The following RBL1 variants were observed in gnomAD, a reference collection of about 807,000 sequenced individuals.
RBL1 encodes the protein retinoblastoma-like protein 1.
In RBL1, 82 loss-of-function variants were observed where a neutral mutation model predicts 123.0. The ratio of observed to expected loss-of-function variants is 0.67; its 90% confidence interval spans 0.56 to 0.80. The LOEUF (loss-of-function observed/expected upper bound fraction) is 0.80, where lower values mean the gene tolerates loss of function less well. Ranked by LOEUF, RBL1 falls within the 30% of genes least tolerant of loss-of-function variation. RBL1 has a pLI of 0.00. For synonymous variants in RBL1, 405 were observed against 441.3 expected (o/e 0.92, Z 1.03); for missense variants, 1,171 against 1,299.6 (o/e 0.90, Z 1.52).
chr20:37,017,620 T>TTTGTGTGTGTG (rs1555850065), intron 19 of RBL1, among the ~76,000 whole-genome samples: 16 of 139,808 alleles, frequency 1.1e-4, no homozygotes, highest in African/African-American at 4.5e-4. Context: ...GGACATTTTC[T>TTTGTGTGTGTG]TGTGTGTGTG....
At position 37,035,419 on chromosome 20, in the gene RBL1, G is replaced by A. The variant is rs749901738; in HGVS notation, c.1993C>T (p.Pro665Ser). Residue 665 changes from proline (P) to serine (S), a missense_variant, in exon 15 of 22, where the codon CCC (proline) becomes TCC (serine). By Grantham distance (74) the Pro-to-Ser change is moderately conservative. Transcript: ENST00000373664. ...SAKRRLFGED[P>S]PKEMLMDKII... ...TTGTCCATAAGCATTTCCTTTGGGG[G>A]GTCCTCTCCAAAGAGTCTTCTCTTA... is the stretch of plus-strand genomic sequence containing the variant. 2 of 1,613,834 alleles carry A rather than the reference G, an allele frequency of 1.2e-6. No homozygotes were observed. The highest frequency in any genetic ancestry group is 1.7e-6 in the Non-Finnish European group (2 of 1,179,874).
At position 37,054,390 on chromosome 20, in the gene RBL1, C is replaced by A. The variant is rs548689159; in HGVS notation, c.1467+1163G>T. ...ATCCCAGCTAGTCGGGAGGCTGAGG[C>A]AGAGAACTGCTTGAACTCGCGAGGC... On this transcript the variant is annotated intron_variant, in intron 11 of 21. Transcript: ENST00000373664. Among the ~76,000 whole-genome samples the A allele has an allele frequency of 9.2e-5, 14 of 152,024 alleles. No homozygotes were observed. In the South Asian group the frequency reaches 2.9e-3, roughly 32 times the overall value.
intron 2 of RBL1, among the ~76,000 whole-genome samples, chr20:37,078,696 A>G (rs2065401795): frequency 6.6e-6 from 1 of 152,208 alleles, no homozygotes; most frequent in South Asian, 2.1e-4. Context: ...GACACTTCTA[A>G]GAGATGCTCA....
intron 6 of RBL1, 103 bp downstream of exon 6, chr20:37,066,621 A>G (rs1405914027): frequency 9.5e-7 from 1 of 1,052,604 alleles, no homozygotes; most frequent in Admixed American, 2.4e-5. Context: ...GGGAATCCTG[A>G]CCCTAAGTTC....
chr20:37,032,841 G>A lies in RBL1; in HGVS notation c.2206C>T (p.Pro736Ser). 6.2e-7 allele frequency: 1 copy of A among 1,613,968 alleles called. No homozygotes were observed. The change falls in exon 16 of 22, where the codon CCT becomes TCT. Residue 736 changes from proline (P) to serine (S), a missense_variant. Pro to Ser is a moderately conservative substitution (Grantham distance 74). Transcript: ENST00000373664. ...ANDAGEITLI[P>S]LSMNTNQESK... The stretch of plus-strand genomic sequence containing the variant: ...TCCTGATTTGTATTCATGGAAAGAG[G>A]TATCAGTGTGATCTCTCCAGCATCA...
chr20:37,043,181 C>CACACACACAT (rs2064761375), intron 13 of RBL1, among the ~76,000 whole-genome samples: 1 of 151,400 alleles, frequency 6.6e-6, no homozygotes, highest in Non-Finnish European at 1.5e-5. Context: ...CACACACACA[C>CACACACACAT]ACACAATTAG....
chr20:37,067,394 CAT>C, intron 3 of RBL1, 97 bp from the exon 4 acceptor site: 1 of 913,960 alleles, frequency 1.1e-6, no homozygotes, highest in Non-Finnish European at 1.6e-6. Context: ...TCAAATTACA[CAT>C]GAAATTCCAT....
intron 11 of RBL1, among the ~76,000 whole-genome samples, chr20:37,047,843 G>C (rs1211387341): frequency 1.3e-5 from 2 of 151,966 alleles, no homozygotes; most frequent in Admixed American, 1.3e-4. Context: ...AGCTGGGTGT[G>C]GTGGCGCGTG....
chr20:37,032,806 G>A lies in RBL1; in HGVS notation c.2241C>T (p.Val747=). 6.2e-7 allele frequency: 1 copy of A among 1,614,000 alleles called. No homozygotes were observed. The highest frequency in any genetic ancestry group is 1.7e-4 in the Middle Eastern group (1 of 6,058). ...GAGCAGTAAGTGATACAGGACTCTT[G>A]ACTTTGGACTCCTGATTTGTATTCA... ...LSMNTNQESK[V]KSPVSLTAHS... Residue 747 remains valine, a synonymous_variant, in exon 16 of 22, where the codon GTC becomes GTT. Coordinates refer to ENST00000373664, the MANE Select transcript of RBL1 (RefSeq NM_002895.5).
intron 21 of RBL1, among the ~76,000 whole-genome samples, chr20:36,999,298 C>T (rs1003668185): frequency 6.6e-6 from 1 of 151,966 alleles, no homozygotes; most frequent in Non-Finnish European, 1.5e-5. Flanking sequence ...CTCAGCTACT[C>T]GGGAGGTTAA....
intron 19 of RBL1, among the ~76,000 whole-genome samples, chr20:37,012,684 G>A (rs1191777805): frequency 6.6e-6 from 1 of 151,796 alleles, no homozygotes; most frequent in African/African-American, 2.4e-5. Context: ...CCCCGTCCGG[G>A]AGGGAGGTGG....
intron 20 of RBL1, among the ~76,000 whole-genome samples, chr20:37,006,272 C>T (rs1429367073): frequency 6.6e-6 from 1 of 150,398 alleles, no homozygotes; most frequent in African/African-American, 2.4e-5. Context: ...GCGATCTCTG[C>T]TCACTGCAAC....
chr20:36,999,423 C>T (rs1314119853), intron 21 of RBL1, among the ~76,000 whole-genome samples: 3 of 148,634 alleles, frequency 2.0e-5, no homozygotes, highest in Non-Finnish European at 3.0e-5. Context: ...ATAAGCTTCC[C>T]GTCTCCCTCC....
At chr20:37,045,106 T>G (rs907895251) in intron 12 of RBL1, among the ~76,000 whole-genome samples, 2 of 150,994 alleles carry the variant, frequency 1.3e-5, no homozygotes, top group Non-Finnish European at 2.9e-5. Context: ...ATTTATTTAT[T>G]TATTTATTTA....
chr20:37,067,535 G>C (rs1462516707), intron 3 of RBL1, among the ~76,000 whole-genome samples: 1 of 151,908 alleles, frequency 6.6e-6, no homozygotes, highest in Non-Finnish European at 1.5e-5. Context: ...CTGGGAGGCC[G>C]AGGTGGGTAG....
At chr20:37,032,151 T>C (rs909399090) in intron 16 of RBL1, among the ~76,000 whole-genome samples, 1 of 151,852 alleles carries the variant, frequency 6.6e-6, no homozygotes, top group Non-Finnish European at 1.5e-5. Flanking sequence ...ATAAACAAAA[T>C]GTGGTATTAA....
intron 21 of RBL1, among the ~76,000 whole-genome samples, chr20:37,001,918 T>TAAAAAAAAAAAAAA (rs757774894): frequency 8.1e-5 from 7 of 86,540 alleles, no homozygotes; most frequent in Non-Finnish European, 1.5e-4. Flanking sequence ...TGCAGAACAA[T>TAAAAAAAAAAAAAA]AAAAAAAAAA....
chr20:37,077,117 T>G (rs1277453099), intron 2 of RBL1, among the ~76,000 whole-genome samples: 1 of 152,010 alleles, frequency 6.6e-6, no homozygotes, highest in Non-Finnish European at 1.5e-5. Context: ...TTTGTAGTTT[T>G]AGAGAGACTG....
intron 14 of RBL1, among the ~76,000 whole-genome samples, chr20:37,038,881 G>T (rs958920067): frequency 1.3e-5 from 2 of 152,166 alleles, no homozygotes; most frequent in African/African-American, 4.8e-5. Flanking sequence ...GGGATTACAG[G>T]TGTGAGCCAC....
Sources: gnomAD v4.1 joint callset for allele counts (sites outside exome capture counted in the v4.1 genomes callset) on GRCh38, gnomAD v4.1.1 for gene constraint, MANE v1.5 for transcripts, NCBI Gene and HGNC (gene_info 2026-07-23, HGNC 2026-07-21) for gene names.